The following TBCE variants were observed in gnomAD, a reference collection of about 807,000 sequenced individuals.
The protein encoded by TBCE is tubulin folding cofactor E, also known as tubulin-specific chaperone E.
A neutral mutation model predicts 77.0 loss-of-function variants in TBCE; 53 were observed. The observed-to-expected ratio is 0.69, with a 90% CI of 0.55 to 0.87. TBCE has a LOEUF of 0.87. TBCE is among the 40% of genes least tolerant of loss of function. The probability of loss-of-function intolerance (pLI) is 0.00; values close to 1 mark genes in which losing one functional copy is unlikely to be tolerated. For missense variants in TBCE, 624 were observed against 622.4 expected (o/e 1.00, Z -0.03); for synonymous variants, 235 against 241.3 (o/e 0.97, Z 0.24).
chr1:235,448,657 G>T lies in TBCE; in HGVS notation c.1492-13G>T, dbSNP rs202244855. 1 of 1,608,744 alleles carries T rather than the reference G, an allele frequency of 6.2e-7. No individual in the cohort carries two copies. Among genetic ancestry groups the T allele is most frequent in the Admixed American group, 1.7e-5 (1 of 59,992 alleles). The stretch of plus-strand genomic sequence containing the variant: ...CTTAATCACATCCTTCCCCACCTTC[G>T]TTCTAATTTTAGAAGCCGGGCAGAG... On this transcript the variant is annotated splice_polypyrimidine_tract_variant and intron_variant, in intron 16 of 16. Coordinates refer to ENST00000642610, the MANE Select transcript of TBCE (RefSeq NM_003193.5).
chr1:235,407,001 A>G, intron 3 of TBCE, among the ~76,000 whole-genome samples: 1 of 150,188 alleles, frequency 6.7e-6, no homozygotes, highest in East Asian at 2.0e-4. Flanking sequence ...CGCCTGGCTA[A>G]TTTTGTATTT....
chr1:235,414,365 G>T (rs1247064010), intron 3 of TBCE, 68 bp from the exon 4 acceptor site: 3 of 1,548,368 alleles, frequency 1.9e-6, no homozygotes, highest in South Asian at 1.1e-5. Flanking sequence ...AAGACCTTCA[G>T]AAAATTGTAT....
Position 235,450,010 on chromosome 1 carries a change from G to C in TBCE, c.*1248G>C. 1 of 470,656 alleles carries C rather than the reference G, an allele frequency of 2.1e-6. No homozygotes were observed. The highest frequency in any genetic ancestry group is 3.6e-6 in the Non-Finnish European group (1 of 280,380). The allele number at this position is 470,656 out of a possible 1,614,324, so 29.2% of individuals were successfully genotyped here. A position where few individuals can be genotyped will look rare whatever the true frequency, so the allele number is the denominator to read the frequency against. The stretch of plus-strand genomic sequence containing the variant: ...ATAGATAAATAAAAACTTTTCTTAT[G>C]CTACAGTACAAGTTGATTTTTAAGG... On this transcript the variant is annotated 3_prime_UTR_variant, in exon 17 of 17. Transcript: ENST00000642610.
chr1:235,425,923 GC>G (rs563908465), intron 5 of TBCE, among the ~76,000 whole-genome samples: 23 of 152,120 alleles, frequency 1.5e-4, no homozygotes, highest in South Asian at 6.2e-4. Context: ...TTTCCTGCAT[GC>G]CCTGCTCTGT....
chr1:235,434,389 G>A, intron 8 of TBCE, 109 bp downstream of exon 8: 1 of 1,008,026 alleles, frequency 9.9e-7, no homozygotes, highest in Admixed American at 1.8e-5. Flanking sequence ...TTGCAAACAA[G>A]AATTAGGAAA....
Position 235,379,926 on chromosome 1 carries a change from C to T in TBCE, c.-31-93C>T, listed in dbSNP as rs567345488. On this transcript the variant is annotated intron_variant, in intron 1 of 16. Transcript: ENST00000642610. ...TTGCGCCACTGCACTCCAGCCTGGG[C>T]GACAGAGCAAGACTGTGCCTCAAAA... is the stretch of plus-strand genomic sequence containing the variant. 2.7e-4 allele frequency: 194 copies of T among 727,590 alleles called. No individual in the cohort carries two copies. In the Middle Eastern group the frequency reaches 4.9e-3, roughly 18 times the overall value. 45.1% of individuals were successfully genotyped at this position (727,590 alleles called of 1,614,324 possible).
At chr1:235,380,548 A>G (rs1558347263) in intron 2 of TBCE, among the ~76,000 whole-genome samples, 1 of 152,090 alleles carries the variant, frequency 6.6e-6, no homozygotes. Flanking sequence ...GATACACATT[A>G]CAATTTTTGT....
At chr1:235,394,418 CTTTTT>C (rs386370043) in intron 2 of TBCE, among the ~76,000 whole-genome samples, 136 of 72,312 alleles carry the variant, frequency 1.9e-3, no homozygotes, top group Middle Eastern at 0.019. Context: ...TTGATAATTT[CTTTTT>C]TTTTTTTTTT....
At chr1:235,386,727 C>G (rs1323399415) in intron 2 of TBCE, among the ~76,000 whole-genome samples, 1 of 152,146 alleles carries the variant, frequency 6.6e-6, no homozygotes, top group Admixed American at 6.6e-5. Context: ...TTTTTAACTT[C>G]TTTGCCTTTG....
Position 235,380,040 on chromosome 1 carries a change from A to G in TBCE, c.-10A>G, listed in dbSNP as rs1004300990. On this transcript the variant is annotated 5_prime_UTR_variant, in exon 2 of 17. Transcript: ENST00000642610. ...CTAGATCTCATATTTTGGATTCTGG[A>G]TATATTATAATGAGTGACACTTTGA... The G allele has an allele frequency of 5.0e-6, 8 of 1,608,084 alleles. No homozygotes were observed. In the African/African-American group the frequency reaches 5.4e-5, roughly 11 times the overall value.
Position 235,435,821 on chromosome 1 carries a change from C to A in TBCE, c.814C>A (p.Leu272Met). Residue 272 changes from leucine (L) to methionine (M), a missense_variant, in exon 9 of 17, where the codon CTG (leucine) becomes ATG (methionine). Physicochemically the swap from Leu to Met is conservative, Grantham distance 15. Transcript: ENST00000642610. ...ATTAATTGATGAAAATCAGCTGTAT[C>A]TGATAGCCCACCTGCCCAGGTAATT... ...NQLIDENQLYLIAHLPRLEQL... is the reference protein window; with the variant it reads ...NQLIDENQLYMIAHLPRLEQL... 6.2e-7 allele frequency: 1 copy of A among 1,614,146 alleles called. No individual in the cohort carries two copies. Among genetic ancestry groups the A allele is most frequent in the Non-Finnish European group, 8.5e-7 (1 of 1,179,994 alleles).
intron 15 of TBCE, among the ~76,000 whole-genome samples, chr1:235,445,465 C>T (rs1286748315): frequency 6.6e-6 from 1 of 151,994 alleles, no homozygotes; most frequent in Non-Finnish European, 1.5e-5. Flanking sequence ...CCCGTCTCTA[C>T]AAAAATAAAT....
Position 235,369,649 on chromosome 1 carries a change from C to T in TBCE, c.-32+2145C>T, listed in dbSNP as rs533442417. ...CCAGCCTGGCCAAAGTGGCGAAACC[C>T]CGTCTCTACTAAAAAAAAACACAAA... On this transcript the variant is annotated intron_variant, in intron 1 of 16. Coordinates refer to ENST00000642610, the MANE Select transcript of TBCE (RefSeq NM_003193.5). 1.2e-3 allele frequency among the ~76,000 whole-genome samples: 148 copies of T among 119,880 alleles called. 1 individual carries two copies. The highest frequency in any genetic ancestry group is 1.9e-3 in the South Asian group (8 of 4,164). The allele number at this position is 119,880 out of a possible 152,430, so 78.6% of individuals were successfully genotyped here. A position where few individuals can be genotyped will look rare whatever the true frequency, so the allele number is the denominator to read the frequency against.
intron 3 of TBCE, among the ~76,000 whole-genome samples, chr1:235,409,833 A>G (rs1026494723): frequency 1.4e-5 from 2 of 140,952 alleles, no homozygotes; most frequent in Non-Finnish European, 3.0e-5. Context: ...GTTCGAGACC[A>G]TCCTATCTAA....
chr1:235,405,130 T>C (rs1273609082), intron 3 of TBCE, among the ~76,000 whole-genome samples: 1 of 151,672 alleles, frequency 6.6e-6, no homozygotes, highest in Non-Finnish European at 1.5e-5. Context: ...GCCCAGCTAA[T>C]TTTTGTATTT....
At position 235,441,736 on chromosome 1, in the gene TBCE, C is replaced by CTTTGTTTG. The variant is rs199612067; in HGVS notation, c.1271-66_1271-59dup. 25 of 1,363,716 alleles carry CTTTGTTTG rather than the reference C, an allele frequency of 1.8e-5. No homozygotes were observed. The East Asian group carries it at 5.8e-4, about 32-fold the overall frequency. The allele number at this position is 1,363,716 out of a possible 1,614,324, so 84.5% of individuals were successfully genotyped here. On this transcript the variant is annotated intron_variant, in intron 13 of 16. Transcript: ENST00000642610. ...CAGGCTCTCTGGACGCTTACCTATCCTTTGTTTGTTTGTTTGTTTTGTTTT... is the reference window on the plus strand; with the variant it reads ...CAGGCTCTCTGGACGCTTACCTATCCTTTGTTTGTTTGTTTGTTTGTTTGTTTTGTTTT...
At chr1:235,400,273 A>G (rs1303446633) in intron 2 of TBCE, among the ~76,000 whole-genome samples, 1 of 151,992 alleles carries the variant, frequency 6.6e-6, no homozygotes, top group Admixed American at 6.6e-5. Flanking sequence ...CTTCACCCAT[A>G]TATTTACCCT....
At chr1:235,437,497 G>A in intron 12 of TBCE, 23 bp downstream of exon 12, 1 of 1,612,906 alleles carries the variant, frequency 6.2e-7, no homozygotes, top group Non-Finnish European at 8.5e-7. Flanking sequence ...GTCATGACTA[G>A]ATATTTTTTA....
At position 235,436,089 on chromosome 1, in the gene TBCE, G is replaced by A. The variant is rs865837542; in HGVS notation, c.833+249G>A. The A allele has an allele frequency of 1.3e-4, 78 of 601,902 alleles. No individual in the cohort carries two copies. In the Middle Eastern group the frequency reaches 4.9e-3, roughly 38 times the overall value. 37.3% of individuals were successfully genotyped at this position (601,902 alleles called of 1,614,324 possible). ...AATAATTTGACCCTGGTGATAATGC[G>A]GAAAGTCTTCATTCATTAAACTCCG... On this transcript the variant is annotated intron_variant, in intron 9 of 16. Coordinates refer to ENST00000642610, the MANE Select transcript of TBCE (RefSeq NM_003193.5).
Sources: allele counts gnomAD v4.1 joint callset (sites outside exome capture counted in the v4.1 genomes callset), GRCh38; gene constraint gnomAD v4.1.1; transcripts MANE v1.5; gene names NCBI Gene and HGNC (gene_info 2026-07-23, HGNC 2026-07-21).